FGGY: variants seen among roughly 807,000 people sequenced by gnomAD.
FGGY encodes the protein FGGY carbohydrate kinase domain containing, also known as FGGY carbohydrate kinase domain-containing protein.
Under a neutral mutation model 71.3 loss-of-function variants are expected in FGGY, and 72 were observed. The ratio of observed to expected loss-of-function variants is 1.01; its 90% confidence interval spans 0.84 to 1.23. The LOEUF is 1.23. Among genes scored for constraint, FGGY ranks in the 50% most tolerant of loss-of-function variants. The pLI is 0.00. For missense variants in FGGY, 668 were observed against 682.3 expected (o/e 0.98, Z 0.23); for synonymous variants, 251 against 250.3 (o/e 1.00, Z -0.02).
chr1:59,300,434 G>T (rs114196583), intron 1 of FGGY, among the ~76,000 whole-genome samples: 2 of 152,146 alleles, frequency 1.3e-5, no homozygotes, highest in African/African-American at 4.8e-5. Flanking sequence ...TTTGATGCTT[G>T]TCTCAACAGT....
At chr1:59,530,757 C>T (rs764008617) in intron 7 of FGGY, among the ~76,000 whole-genome samples, 4 of 151,150 alleles carry the variant, frequency 2.6e-5, no homozygotes, top group African/African-American at 9.7e-5. Flanking sequence ...TGCAGAATAC[C>T]GAGTATACTA....
intron 14 of FGGY, among the ~76,000 whole-genome samples, chr1:59,689,107 G>C (rs1340811619): frequency 2.8e-5 from 4 of 142,856 alleles, no homozygotes; most frequent in Admixed American, 2.8e-4. Context: ...TCCAGGAACA[G>C]ACAGTTGGGT....
Position 59,340,036 on chromosome 1 carries a change from A to T in FGGY, c.280A>T (p.Lys94Ter). Residue 94 changes from lysine (K) to a stop codon, truncating the protein, a stop_gained, in exon 3 of 16, where the codon AAG (lysine) becomes TAG (stop). Transcript: ENST00000303721. LOFTEE classifies it high-confidence loss of function. ...CACGTGTTCTCTGGTTGTTTTGGAT[A>T]AGCAGTTTCACCCATTACCAGTCAA... ...DATCSLVVLD[K>*]QFHPLPVNQE... 6.2e-7 allele frequency: 1 copy of T among 1,613,052 alleles called. No individual in the cohort carries two copies. Among genetic ancestry groups the T allele is most frequent in the Non-Finnish European group, 8.5e-7 (1 of 1,179,478 alleles).
chr1:59,672,776 G>A (rs1011929153), intron 13 of FGGY, among the ~76,000 whole-genome samples: 2 of 152,178 alleles, frequency 1.3e-5, no homozygotes, highest in Admixed American at 1.3e-4. Flanking sequence ...CTTATGGCTT[G>A]AGTAGAAGAC....
chr1:59,385,600 T>C (rs1244910249), intron 5 of FGGY, among the ~76,000 whole-genome samples: 3 of 149,032 alleles, frequency 2.0e-5, no homozygotes, highest in Admixed American at 1.4e-4. Context: ...AACATTTGAA[T>C]AGTAGGAATT....
rs767654534 is a variant in FGGY, at chr1:59,456,960, G to T, written c.555-1G>T. ...TATCTATATCTCTTCTATTTTCTTA[G>T]GTCTCTCTGCTCCCTGGTGTGTAAG... On this transcript the variant is annotated splice_acceptor_variant, in intron 5 of 15. Coordinates refer to ENST00000303721, the MANE Select transcript of FGGY (RefSeq NM_018291.5). LOFTEE classifies it high-confidence loss of function. 3.1e-6 allele frequency: 5 copies of T among 1,609,278 alleles called. No individual in the cohort carries two copies. In the South Asian group the frequency reaches 5.5e-5, roughly 18 times the overall value.
intron 8 of FGGY, among the ~76,000 whole-genome samples, chr1:59,591,804 A>T (rs1035499364): frequency 6.6e-6 from 1 of 152,260 alleles, no homozygotes; most frequent in African/African-American, 2.4e-5. Flanking sequence ...TGGATTAAAG[A>T]CTTAAACGTT....
At chr1:59,610,196 A>G (rs1187049558) in intron 9 of FGGY, among the ~76,000 whole-genome samples, 1 of 152,116 alleles carries the variant, frequency 6.6e-6, no homozygotes, top group East Asian at 1.9e-4. Context: ...TAAGCCTTCC[A>G]TGCATTAGCA....
chr1:59,590,663 T>C (rs1336967523), intron 8 of FGGY, among the ~76,000 whole-genome samples: 1 of 152,118 alleles, frequency 6.6e-6, no homozygotes, highest in African/African-American at 2.4e-5. Context: ...TAATCCAGCA[T>C]ATAAACAGAA....
At chr1:59,340,125 A>C in intron 3 of FGGY, 56 bp downstream of exon 3, 1 of 1,281,860 alleles carries the variant, frequency 7.8e-7, no homozygotes, top group Non-Finnish European at 1.1e-6. Context: ...GATTAATCCA[A>C]TGGGCCCAGG....
chr1:59,322,503 C>G (rs1047189955), intron 2 of FGGY, among the ~76,000 whole-genome samples: 1 of 152,000 alleles, frequency 6.6e-6, no homozygotes, highest in Non-Finnish European at 1.5e-5. Flanking sequence ...CCTTTGCCTC[C>G]GAGGTGCACT....
At chr1:59,466,651 C>A (rs753438820) in intron 6 of FGGY, among the ~76,000 whole-genome samples, 69 of 152,014 alleles carry the variant, frequency 4.5e-4, no homozygotes, top group Non-Finnish European at 4.9e-4. Context: ...ACTCAAACAA[C>A]TTTACAAGAA....
intron 14 of FGGY, among the ~76,000 whole-genome samples, chr1:59,735,589 C>G (rs2098094257): frequency 6.6e-6 from 1 of 152,178 alleles, no homozygotes; most frequent in African/African-American, 2.4e-5. Flanking sequence ...TACTTCTCAA[C>G]CCACCATCTC....
At chr1:59,429,126 T>C (rs968590425) in intron 5 of FGGY, among the ~76,000 whole-genome samples, 2 of 152,168 alleles carry the variant, frequency 1.3e-5, no homozygotes, top group African/African-American at 4.8e-5. Context: ...GACAATCACA[T>C]GTATGGCTGC....
chr1:59,607,300 G>A (rs911552209), intron 8 of FGGY, among the ~76,000 whole-genome samples: 2 of 152,210 alleles, frequency 1.3e-5, no homozygotes, highest in Non-Finnish European at 2.9e-5. Flanking sequence ...TGGTCTTGTG[G>A]CCAAGTTTGA....
chr1:59,591,630 C>T (rs1423612005), intron 8 of FGGY, among the ~76,000 whole-genome samples: 1 of 152,074 alleles, frequency 6.6e-6, no homozygotes, highest in Non-Finnish European at 1.5e-5. Flanking sequence ...TCAGAAATAA[C>T]ACCGCATATC....
intron 6 of FGGY, among the ~76,000 whole-genome samples, chr1:59,475,024 A>G (rs1413633631): frequency 6.6e-6 from 1 of 152,230 alleles, no homozygotes; most frequent in Non-Finnish European, 1.5e-5. Context: ...TACTACTATA[A>G]TGATTGTCCA....
At chr1:59,390,635 G>A (rs962417572) in intron 5 of FGGY, among the ~76,000 whole-genome samples, 62 of 152,134 alleles carry the variant, frequency 4.1e-4, no homozygotes, top group African/African-American at 1.4e-3. Flanking sequence ...GGGAATCGGG[G>A]CAGTGTAGGC....
chr1:59,366,463 C>T (rs948422005), intron 4 of FGGY, among the ~76,000 whole-genome samples: 1 of 152,090 alleles, frequency 6.6e-6, no homozygotes, highest in African/African-American at 2.4e-5. Flanking sequence ...CCCCAGGTCC[C>T]AAACCCTTTC....
Sources: gnomAD v4.1 joint callset for allele counts (sites outside exome capture counted in the v4.1 genomes callset) on GRCh38, gnomAD v4.1.1 for gene constraint, MANE v1.5 for transcripts, NCBI Gene and HGNC (gene_info 2026-07-23, HGNC 2026-07-21) for gene names.